Variants in SLC7A9 observed in about 807,000 individuals in gnomAD.
SLC7A9 encodes the protein B(0,+)-type amino acid transporter 1.
SLC7A9 carries 38 observed loss-of-function variants against 54.1 expected under a neutral mutation model. The observed-to-expected ratio is 0.70, with a 90% CI of 0.54 to 0.92. The LOEUF (loss-of-function observed/expected upper bound fraction) is 0.92, where lower values mean the gene tolerates loss of function less well. Ranked by LOEUF, SLC7A9 falls within the 40% of genes least tolerant of loss-of-function variation. The pLI is 0.00. For missense variants in SLC7A9, 537 were observed against 636.1 expected, an observed-to-expected ratio of 0.84 and a Z score of 1.68; for synonymous variants, 264 against 258.9, an observed-to-expected ratio of 1.02 and a Z score of -0.19.
chr19:32,842,144 G>A (rs770245946), intron 11 of SLC7A9, 24 bp downstream of exon 11: 10 of 1,613,438 alleles, frequency 6.2e-6, no homozygotes, highest in Admixed American at 1.7e-5. Context: ...AAAGCCACTC[G>A]TGACTCTGGG....
intron 9 of SLC7A9, among the ~76,000 whole-genome samples, chr19:32,850,428 A>G (rs1466708935): frequency 6.6e-6 from 1 of 151,636 alleles, no homozygotes; most frequent in Non-Finnish European, 1.5e-5. Flanking sequence ...CCCATTCACA[A>G]TTGCTTCAAA....
intron 9 of SLC7A9, among the ~76,000 whole-genome samples, chr19:32,857,822 C>T (rs896809786): frequency 6.6e-6 from 1 of 152,144 alleles, no homozygotes; most frequent in African/African-American, 2.4e-5. Context: ...AAAGGATTGG[C>T]AAACCACAGC....
At chr19:32,864,866 C>G in intron 2 of SLC7A9, 90 bp from the exon 3 acceptor site, 1 of 1,557,934 alleles carries the variant, frequency 6.4e-7, no homozygotes, top group Non-Finnish European at 8.8e-7. Flanking sequence ...ACGGCCAGGG[C>G]GGCCCCAGCC....
Position 32,842,225 on chromosome 19 carries a change from C to A in SLC7A9, c.1167G>T (p.Thr389=). 1.2e-6 allele frequency: 2 copies of A among 1,614,070 alleles called. No individual in the cohort carries two copies. Among genetic ancestry groups the A allele is most frequent in the Non-Finnish European group, 1.7e-6 (2 of 1,180,014 alleles). Residue 389 remains threonine (T), a synonymous_variant, in exon 11 of 13, where the codon ACG becomes ACT. Transcript: ENST00000023064. ...SFAAWLFYGL[T]ILGLIVMRFT... is the part of the protein sequence containing the mutation. ...ATCTCATCACGATGAGTCCTAGAATCGTCAGGCCATAAAACAGCCATGCGG... is the reference window on the plus strand; with the variant it reads ...ATCTCATCACGATGAGTCCTAGAATAGTCAGGCCATAAAACAGCCATGCGG...
intron 2 of SLC7A9, among the ~76,000 whole-genome samples, chr19:32,866,471 T>G (rs1297138188): frequency 6.6e-6 from 1 of 152,116 alleles, no homozygotes; most frequent in African/African-American, 2.4e-5. Context: ...TCACCCAGGC[T>G]TGGAGTGCAA....
intron 6 of SLC7A9, 59 bp downstream of exon 6, chr19:32,862,059 T>C (rs893956741): frequency 3.6e-6 from 4 of 1,104,120 alleles, no homozygotes; most frequent in Non-Finnish European, 5.6e-6. Context: ...CAGGTGGAGT[T>C]AAAGTCACCT....
At position 32,862,471 on chromosome 19, in the gene SLC7A9, G is replaced by A. The variant is rs762212685; in HGVS notation, c.594C>T (p.Leu198=). 6.2e-7 allele frequency: 1 copy of A among 1,613,022 alleles called. No individual in the cohort carries two copies. Among genetic ancestry groups the A allele is most frequent in the South Asian group, 1.1e-5 (1 of 91,016 alleles). The part of the protein sequence containing the change: ...VAIIIISGLV[L]LAQGNTKNFD... ...CCTCCCGTGGGTCACCTTGGGCCAG[G>A]AGCACCAGCCCGCTGATGATGATGA... Residue 198 remains leucine (L), a synonymous_variant, in exon 5 of 13, where the codon CTC becomes CTT. Transcript: ENST00000023064.
intron 11 of SLC7A9, among the ~76,000 whole-genome samples, chr19:32,839,282 C>T (rs1270573566): frequency 1.3e-5 from 2 of 152,018 alleles, no homozygotes; most frequent in South Asian, 2.1e-4. Context: ...TGGCGGGGCA[C>T]GGTGGCTCAC....
chr19:32,837,521 A>C (rs1371578148), intron 11 of SLC7A9, among the ~76,000 whole-genome samples: 1 of 150,020 alleles, frequency 6.7e-6, no homozygotes, highest in Admixed American at 6.7e-5. Context: ...AAAAAAAAGA[A>C]ACCTCAAATT....
chr19:32,860,272 G>A (rs918323924), intron 7 of SLC7A9: 38 of 1,391,958 alleles, frequency 2.7e-5, no homozygotes, highest in South Asian at 6.1e-5. Flanking sequence ...GAAACCATTC[G>A]CTGGCCGGGT....
rs142766345 is a variant in SLC7A9, at chr19:32,862,543, G to C, written c.522C>G (p.Ser174Arg). 1 of 1,613,838 alleles carries C rather than the reference G, an allele frequency of 6.2e-7. No individual in the cohort carries two copies. Among genetic ancestry groups the C allele is most frequent in the Admixed American group, 1.7e-5 (1 of 60,000 alleles). Reference sequence around the variant, plus strand: ...CCGCGGTGAAGATGTTCTGGACGTAGCTTCCCAGCCGCACGCTCAGTGAGT... The same window carrying C: ...CCGCGGTGAAGATGTTCTGGACGTACCTTCCCAGCCGCACGCTCAGTGAGT... ...TVNSLSVRLG[S>R]YVQNIFTAAK... is the part of the protein sequence containing the mutation. Residue 174 changes from serine (S) to arginine (R), a missense_variant, in exon 5 of 13, where the codon AGC (serine) becomes AGG (arginine). Coordinates refer to ENST00000023064, the MANE Select transcript of SLC7A9 (RefSeq NM_014270.5).
Position 32,859,949 on chromosome 19 carries a change from G to T in SLC7A9, c.765C>A (p.Ala255=), listed in dbSNP as rs1169082165. The change falls in exon 8 of 13, where the codon GCC becomes GCA. Residue 255 remains alanine (A), a synonymous_variant. Coordinates refer to ENST00000023064, the MANE Select transcript of SLC7A9 (RefSeq NM_014270.5). The part of the protein sequence containing the change: ...LRNPYRNLPL[A]IIIGIPLVTA... Reference sequence around the variant, plus strand: ...TCACCAGGGGGATCCCGATGATAATGGCCAAAGGCAGGTTTCTGGGAGGGG... The same window carrying T: ...TCACCAGGGGGATCCCGATGATAATTGCCAAAGGCAGGTTTCTGGGAGGGG... 6.2e-7 allele frequency: 1 copy of T among 1,614,054 alleles called. No homozygotes were observed. The highest frequency in any genetic ancestry group is 8.5e-7 in the Non-Finnish European group (1 of 1,180,046).
chr19:32,860,425 T>G, intron 7 of SLC7A9, 181 bp downstream of exon 7: 1 of 1,386,276 alleles, frequency 7.2e-7, no homozygotes, highest in South Asian at 1.5e-5. Context: ...GAGCTGAGAT[T>G]GCACCACTGC....
In SLC7A9 at chr19:32,852,029, G is replaced by C. The variant is rs1315220981; in HGVS notation, c.977+6411C>G. ...CACTCCGGGGACTGTTGTGGGGTGG[G>C]GGGAGCGGGGAGGGATAGCATTAGG... On this transcript the variant is annotated intron_variant, in intron 9 of 12. Coordinates refer to ENST00000023064, the MANE Select transcript of SLC7A9 (RefSeq NM_014270.5). 5.3e-5 allele frequency among the ~76,000 whole-genome samples: 8 copies of C among 152,126 alleles called. No homozygotes were observed. The South Asian group carries it at 1.7e-3, about 32-fold the overall frequency.
intron 11 of SLC7A9, among the ~76,000 whole-genome samples, chr19:32,834,371 T>C (rs1432933800): frequency 1.3e-5 from 2 of 152,202 alleles, no homozygotes; most frequent in Non-Finnish European, 2.9e-5. Flanking sequence ...GGTTCGCTCC[T>C]GTAATCCCAG....
At chr19:32,862,683 TGAGATGGA>T (rs1968841728) in intron 4 of SLC7A9, 97 bp from the exon 5 acceptor site, 1 of 1,037,488 alleles carries the variant, frequency 9.6e-7, no homozygotes, top group African/African-American at 1.7e-5. Flanking sequence ...TTTTTTTTTT[TGAGATGGA>T]GTCTCACTCT....
intron 9 of SLC7A9, among the ~76,000 whole-genome samples, chr19:32,846,435 G>C (rs1293784320): frequency 2.0e-5 from 3 of 152,236 alleles, no homozygotes; most frequent in African/African-American, 4.8e-5. Context: ...ACAGCAGTCT[G>C]AGATCAAACT....
At chr19:32,849,666 C>T (rs1374387768) in intron 9 of SLC7A9, among the ~76,000 whole-genome samples, 541 of 150,712 alleles carry the variant, frequency 3.6e-3, no homozygotes, top group African/African-American at 9.6e-3. Context: ...AGGGAATCCT[C>T]CCTAACTCAT....
intron 11 of SLC7A9, among the ~76,000 whole-genome samples, chr19:32,837,487 C>T (rs1415157398): frequency 3.1e-5 from 2 of 65,556 alleles, no homozygotes; most frequent in African/African-American, 1.7e-4. Flanking sequence ...GAGGAGATTC[C>T]ATCTCAAAAA....
Sources: gnomAD v4.1 joint callset for allele counts (sites outside exome capture counted in the v4.1 genomes callset) on GRCh38, gnomAD v4.1.1 for gene constraint, MANE v1.5 for transcripts, NCBI Gene and HGNC (gene_info 2026-07-23, HGNC 2026-07-21) for gene names.